Variants in ADIPOR2 observed in about 807,000 individuals in gnomAD.
ADIPOR2 encodes adiponectin receptor 2.
ADIPOR2 carries 18 observed loss-of-function variants against 40.9 expected under a neutral mutation model. The observed-to-expected ratio is 0.44, with a 90% confidence interval of 0.30 to 0.65. The LOEUF is 0.65. ADIPOR2 is among the 30% of genes least tolerant of loss of function. The pLI is 0.09. For missense variants in ADIPOR2, 283 were observed against 479.2 expected, an observed-to-expected ratio of 0.59 and a Z score of 3.82; for synonymous variants, 165 against 166.4, an observed-to-expected ratio of 0.99 and a Z score of 0.06.
chr12:1,749,774 A>G (rs2094764867), intron 1 of ADIPOR2, among the ~76,000 whole-genome samples: 1 of 151,974 alleles, frequency 6.6e-6, no homozygotes, highest in South Asian at 2.1e-4. Context: ...CAGAATTGAC[A>G]TCTTTACTGA....
At chr12:1,747,825 G>A (rs757289708) in intron 1 of ADIPOR2, among the ~76,000 whole-genome samples, 4 of 151,992 alleles carry the variant, frequency 2.6e-5, no homozygotes, top group African/African-American at 9.7e-5. Context: ...ATAATGAGTC[G>A]TTTGGTTCTT....
intron 2 of ADIPOR2, among the ~76,000 whole-genome samples, chr12:1,756,471 T>TTA (rs1565650862): frequency 1.3e-5 from 2 of 149,838 alleles, no homozygotes; most frequent in African/African-American, 4.9e-5. Flanking sequence ...TTTTTTTTTT[T>TTA]AAAGGACCAA....
intron 2 of ADIPOR2, chr12:1,757,374 C>G: frequency 1.4e-6 from 1 of 713,368 alleles, no homozygotes; most frequent in Non-Finnish European, 2.6e-6. Context: ...AGTGGCAAAG[C>G]TGTTTCCATT....
At chr12:1,733,250 T>A (rs2094724015) in intron 1 of ADIPOR2, among the ~76,000 whole-genome samples, 1 of 152,194 alleles carries the variant, frequency 6.6e-6, no homozygotes, top group African/African-American at 2.4e-5. Context: ...TGTAATAGTT[T>A]ATTGAGGTTC....
intron 1 of ADIPOR2, among the ~76,000 whole-genome samples, chr12:1,726,922 T>G (rs1259817949): frequency 1.3e-5 from 2 of 152,240 alleles, no homozygotes; most frequent in African/African-American, 2.4e-5. Context: ...TGTACCCAGC[T>G]GCCTAAGGAA....
chr12:1,704,975 A>G (rs187722505), intron 1 of ADIPOR2, among the ~76,000 whole-genome samples: 19 of 152,322 alleles, frequency 1.2e-4, no homozygotes, highest in Non-Finnish European at 1.9e-4. Flanking sequence ...AAGATAATTA[A>G]CCACTTCCTT....
rs1287590935 is a variant in ADIPOR2 at position 1,788,614 on chromosome 12, T to G, written c.*2542T>G. ...GAAAGGCATCTGTGTGATGGTTCCA[T>G]TGATGTGGGATTTCCCTACTTGCTG... On this transcript the variant is annotated 3_prime_UTR_variant, in exon 8 of 8. Transcript: ENST00000357103. 6.6e-6 allele frequency: 1 copy of G among 152,628 alleles called. No homozygotes were observed. Among genetic ancestry groups the G allele is most frequent in the East Asian group, 1.9e-4 (1 of 5,194 alleles). 9.5% of individuals were successfully genotyped at this position (152,628 alleles called of 1,614,324 possible).
intron 1 of ADIPOR2, among the ~76,000 whole-genome samples, chr12:1,704,327 GT>G (rs997334486): frequency 1.3e-5 from 2 of 151,990 alleles, no homozygotes; most frequent in African/African-American, 4.8e-5. Flanking sequence ...ACCTAGAAGA[GT>G]AGATACAGAG....
In ADIPOR2 at chr12:1,765,024, A is replaced by G. The variant is rs549402942; in HGVS notation, c.172-7818A>G. Among the ~76,000 whole-genome samples the G allele has an allele frequency of 2.4e-4, 37 of 152,298 alleles. No homozygotes were observed. In the South Asian group the frequency reaches 2.9e-3, roughly 12 times the overall value. ...CCAGTACTTGTTTTTTAGTGAACAA[A>G]TGTATGCACTTCCATTAGCTACATA... On this transcript the variant is annotated intron_variant, in intron 2 of 7. Transcript: ENST00000357103.
intron 2 of ADIPOR2, chr12:1,760,986 T>G (rs1012235939): frequency 2.6e-5 from 4 of 152,130 alleles, no homozygotes; most frequent in Non-Finnish European, 5.9e-5. Context: ...GAAGCGTGAG[T>G]GCAATACACT....
intron 1 of ADIPOR2, among the ~76,000 whole-genome samples, chr12:1,733,773 A>G (rs7967035): frequency 0.015 from 1,388 of 90,058 alleles, 22 homozygotes; most frequent in African/African-American, 0.055. Flanking sequence ...CAACCCCACA[A>G]CAGGCCCTGG....
intron 1 of ADIPOR2, chr12:1,730,969 T>C (rs2094718990): frequency 1.3e-5 from 2 of 152,222 alleles, no homozygotes; most frequent in African/African-American, 4.8e-5. Context: ...TTATGTTTAT[T>C]ATTAAAAACT....
intron 1 of ADIPOR2, among the ~76,000 whole-genome samples, chr12:1,719,269 C>T (rs1395608738): frequency 2.6e-5 from 4 of 152,098 alleles, no homozygotes; most frequent in African/African-American, 9.7e-5. Flanking sequence ...ATGTTCTTCC[C>T]CATTTCTTGA....
At chr12:1,696,499 G>C (rs935554258) in intron 1 of ADIPOR2, 3 of 151,142 alleles carry the variant, frequency 2.0e-5, no homozygotes, top group African/African-American at 7.3e-5. Flanking sequence ...GGGCTCAAGT[G>C]ATCCTCCCAC....
At chr12:1,774,145 GA>G (rs1862541222) in intron 3 of ADIPOR2, among the ~76,000 whole-genome samples, 1 of 152,152 alleles carries the variant, frequency 6.6e-6, no homozygotes, top group Non-Finnish European at 1.5e-5. Flanking sequence ...TTGGTGTGAA[GA>G]AATCTCTCAA....
At chr12:1,732,954 A>G (rs1222102202) in intron 1 of ADIPOR2, among the ~76,000 whole-genome samples, 1 of 152,188 alleles carries the variant, frequency 6.6e-6, no homozygotes, top group Non-Finnish European at 1.5e-5. Flanking sequence ...TCAAGGAGAA[A>G]CAGTAAAGAG....
chr12:1,708,885 A>G (rs540690821), intron 1 of ADIPOR2, among the ~76,000 whole-genome samples: 31 of 152,044 alleles, frequency 2.0e-4, no homozygotes, highest in African/African-American at 7.0e-4. Flanking sequence ...ACGCCCGGCT[A>G]ATTTTTGTAT....
At chr12:1,755,368 G>A (rs533510581) in intron 2 of ADIPOR2, among the ~76,000 whole-genome samples, 3 of 152,258 alleles carry the variant, frequency 2.0e-5, no homozygotes, top group African/African-American at 2.4e-5. Flanking sequence ...GAACGACTGC[G>A]CCCGGCCTCT....
chr12:1,738,002 G>C (rs1360310370), intron 1 of ADIPOR2, among the ~76,000 whole-genome samples: 2 of 151,946 alleles, frequency 1.3e-5, no homozygotes, highest in Non-Finnish European at 2.9e-5. Flanking sequence ...GGCAGGGGTG[G>C]GAATAAATGT....
Sources: allele counts gnomAD v4.1 joint callset (sites outside exome capture counted in the v4.1 genomes callset), GRCh38; gene constraint gnomAD v4.1.1; transcripts MANE v1.5; gene names NCBI Gene and HGNC (gene_info 2026-07-23, HGNC 2026-07-21).